Variants in EML1 observed in about 807,000 individuals in gnomAD.
The protein encoded by EML1 is EMAP like 1.
EML1 carries 27 observed loss-of-function variants against 110.4 expected under a neutral mutation model. That is an observed-to-expected ratio of 0.24 (90% CI 0.18 to 0.34). The LOEUF (loss-of-function observed/expected upper bound fraction) is 0.34, where lower values mean the gene tolerates loss of function less well. Ranked by LOEUF, EML1 falls within the 10% of genes least tolerant of loss-of-function variation. EML1 has a pLI of 1.00. For synonymous variants in EML1, 344 were observed against 385.8 expected (o/e 0.89, Z 1.27); for missense variants, 741 against 1,030.9 (o/e 0.72, Z 3.85).
At chr14:99,793,046 C>CCCGCGCCCCCGCAAGGGCCGCCCG (rs2057696003), upstream of EML1, 1 of 151,848 alleles carries the variant, frequency 6.6e-6, no homozygotes, top group Admixed American at 6.6e-5. Flanking sequence ...GGTCTTTGTC[C>CCCGCGCCCCCGCAAGGGCCGCCCG]CCGCGCCCCC....
At chr14:99,801,559 G>A (rs1368072405) in intron 1 of EML1, among the ~76,000 whole-genome samples, 1 of 151,796 alleles carries the variant, frequency 6.6e-6, no homozygotes, top group Non-Finnish European at 1.5e-5. Flanking sequence ...AGCTTGCAGT[G>A]AGCCAAGATC....
At chr14:99,872,917 G>A (rs1302475306) in intron 3 of EML1, among the ~76,000 whole-genome samples, 1 of 152,140 alleles carries the variant, frequency 6.6e-6, no homozygotes, top group Non-Finnish European at 1.5e-5. Context: ...GGGTTTTTCA[G>A]CCTGGTGCTT....
intron 1 of EML1, among the ~76,000 whole-genome samples, chr14:99,821,001 G>T (rs1188408478): frequency 1.3e-5 from 2 of 151,558 alleles, no homozygotes; most frequent in East Asian, 3.9e-4. Context: ...CATGGTTATT[G>T]CAGCAGGACT....
At position 99,806,386 on chromosome 14, in the gene EML1, G is replaced by A. The variant is rs191748785; in HGVS notation, c.67+12843G>A. Among the ~76,000 whole-genome samples, 497 of 144,916 alleles carry A rather than the reference G, an allele frequency of 3.4e-3. 5 individuals are homozygous for A. The highest frequency in any genetic ancestry group is 0.012 in the African/African-American group (453 of 38,984). ...GCTGGAGTGCAGTGGCGTTAATCTC[G>A]GCTCACCGCAACCTCTGCCTCCCGG... On this transcript the variant is annotated intron_variant, in intron 1 of 21. Coordinates refer to ENST00000262233, the MANE Select transcript of EML1 (RefSeq NM_004434.3).
intron 2 of EML1, among the ~76,000 whole-genome samples, chr14:99,853,766 T>C (rs1033471297): frequency 2.0e-5 from 3 of 151,842 alleles, no homozygotes; most frequent in Non-Finnish European, 4.4e-5. Context: ...GCCTCCCGGG[T>C]TCAAGCGATT....
Position 99,760,083 on chromosome 14 carries a change from C to CAAAAAAAAAAAAA in EML1, c.28+22241_28+22253dup, listed in dbSNP as rs61619098. Among the ~76,000 whole-genome samples, 14 of 47,146 alleles carry CAAAAAAAAAAAAA rather than the reference C, an allele frequency of 3.0e-4. 1 individual carries two copies. The highest frequency in any genetic ancestry group is 1.4e-3 in the African/African-American group (14 of 10,182). 30.9% of individuals were successfully genotyped at this position (47,146 alleles called of 152,430 possible). On this transcript the variant is annotated intron_variant, in intron 1 of 10. Transcript: ENST00000554479. Reference sequence around the variant, plus strand: ...GGGCAACAAGAGCTAGACTCCCTCTCAAAAAAAAAAAAAAAAAAAAAAAAA... The same window carrying CAAAAAAAAAAAAA: ...GGGCAACAAGAGCTAGACTCCCTCTCAAAAAAAAAAAAAAAAAAAAAAAAAAAAAAAAAAAAAA...
At chr14:99,896,150 G>A (rs1156463554) in intron 6 of EML1, among the ~76,000 whole-genome samples, 1 of 151,928 alleles carries the variant, frequency 6.6e-6, no homozygotes, top group Non-Finnish European at 1.5e-5. Flanking sequence ...AGTCTATGCA[G>A]ATTTTAAGGG....
At chr14:99,751,805 C>T (rs1156452066) in intron 1 of EML1, among the ~76,000 whole-genome samples, 2 of 152,008 alleles carry the variant, frequency 1.3e-5, no homozygotes, top group African/African-American at 2.4e-5. Context: ...GGGCGGAAGA[C>T]GAGCTTAGAC....
chr14:99,844,063 A>G (rs747831773), intron 1 of EML1, among the ~76,000 whole-genome samples: 3 of 152,234 alleles, frequency 2.0e-5, no homozygotes, highest in Non-Finnish European at 2.9e-5. Context: ...AAGAAGTTAC[A>G]TAGCACTTAA....
At chr14:99,812,339 G>A (rs1057431610) in intron 1 of EML1, among the ~76,000 whole-genome samples, 3 of 151,806 alleles carry the variant, frequency 2.0e-5, no homozygotes, top group Admixed American at 6.6e-5. Flanking sequence ...CTGTGATAAC[G>A]AAACAGCTGG....
chr14:99,840,820 C>T (rs1822402908), intron 1 of EML1, among the ~76,000 whole-genome samples: 1 of 152,168 alleles, frequency 6.6e-6, no homozygotes. Context: ...CTTCTCTCAC[C>T]TTTTAATAGA....
chr14:99,913,840 C>T (rs113866012), intron 13 of EML1, among the ~76,000 whole-genome samples: 4,676 of 152,048 alleles, frequency 0.031, 227 homozygotes, highest in African/African-American at 0.11. Context: ...CAGCCACCCA[C>T]CACCATGCCC....
chr14:99,887,226 C>T (rs1213206585), intron 4 of EML1, among the ~76,000 whole-genome samples: 4 of 152,340 alleles, frequency 2.6e-5, no homozygotes, highest in African/African-American at 4.8e-5. Context: ...TATCAGCTCT[C>T]GAACCATTCA....
intron 1 of EML1, among the ~76,000 whole-genome samples, chr14:99,805,497 G>T (rs921923973): frequency 2.1e-4 from 32 of 151,872 alleles, no homozygotes; most frequent in African/African-American, 7.3e-4. Context: ...ATCTTTTGAG[G>T]TAGGGCTCAG....
At chr14:99,793,980 C>T (rs1258974777) in intron 1 of EML1, among the ~76,000 whole-genome samples, 2 of 152,164 alleles carry the variant, frequency 1.3e-5, no homozygotes, top group Non-Finnish European at 2.9e-5. Flanking sequence ...ACAAAACCCT[C>T]CTGCGAGGAT....
At chr14:99,910,756 T>G (rs2059932617) in intron 12 of EML1, among the ~76,000 whole-genome samples, 1 of 152,126 alleles carries the variant, frequency 6.6e-6, no homozygotes, top group East Asian at 1.9e-4. Flanking sequence ...AACATACAAC[T>G]GAGTCAGACC....
chr14:99,926,694 C>G (rs2060240349), intron 17 of EML1, among the ~76,000 whole-genome samples: 1 of 152,016 alleles, frequency 6.6e-6, no homozygotes, highest in South Asian at 2.1e-4. Context: ...ACACTACAGC[C>G]TCAGCCCCTT....
At chr14:99,919,308 A>G (rs899878562) in intron 16 of EML1, among the ~76,000 whole-genome samples, 2 of 152,160 alleles carry the variant, frequency 1.3e-5, no homozygotes, top group African/African-American at 2.4e-5. Flanking sequence ...GGATAAAGAA[A>G]GTGTAGCCCT....
At chr14:99,846,498 G>C (rs1196894301) in intron 1 of EML1, among the ~76,000 whole-genome samples, 5 of 151,896 alleles carry the variant, frequency 3.3e-5, no homozygotes, top group Admixed American at 1.3e-4. Flanking sequence ...GGCCAGACTG[G>C]TCTCAAACTC....
Sources: gnomAD v4.1 joint callset for allele counts (sites outside exome capture counted in the v4.1 genomes callset) on GRCh38, gnomAD v4.1.1 for gene constraint, MANE v1.5 for transcripts, NCBI Gene and HGNC (gene_info 2026-07-23, HGNC 2026-07-21) for gene names.